DLG2: variants seen among roughly 807,000 people sequenced by gnomAD.
DLG2 encodes the protein disks large homolog 2.
A neutral mutation model predicts 132.5 loss-of-function variants in DLG2; 45 were observed. The observed-to-expected ratio is 0.34, with a 90% CI of 0.27 to 0.44. The LOEUF (loss-of-function observed/expected upper bound fraction) is 0.44, where lower values mean the gene tolerates loss of function less well. DLG2 is among the 20% of genes least tolerant of loss of function. The pLI is 1.00. For synonymous variants in DLG2, 424 were observed against 419.6 expected (o/e 1.01, Z -0.13); for missense variants, 1,045 against 1,196.9 (o/e 0.87, Z 1.87).
At chr11:84,074,233 C>A (rs906398784) in intron 10 of DLG2, among the ~76,000 whole-genome samples, 14 of 152,174 alleles carry the variant, frequency 9.2e-5, no homozygotes, top group Admixed American at 3.9e-4. Flanking sequence ...CAGCTCAACT[C>A]CTCACAAAAG....
chr11:85,038,893 C>T (rs1455540580), intron 6 of DLG2, among the ~76,000 whole-genome samples: 1 of 151,904 alleles, frequency 6.6e-6, no homozygotes, highest in African/African-American at 2.4e-5. Flanking sequence ...TCCAATGATA[C>T]AATTTTTAAA....
At position 85,350,234 on chromosome 11, in the gene DLG2, C is replaced by A. The variant is rs537153838; in HGVS notation, c.41-64869G>T. 5.3e-5 allele frequency among the ~76,000 whole-genome samples: 8 copies of A among 152,282 alleles called. No homozygotes were observed. In the South Asian group the frequency reaches 1.4e-3, roughly 28 times the overall value. Reference sequence around the variant, plus strand: ...TCTTTTGAGAAGTGTCTGTTCATATCCTTTGCCCACTTTTTGATGCAGTTG... The same window carrying A: ...TCTTTTGAGAAGTGTCTGTTCATATACTTTGCCCACTTTTTGATGCAGTTG... On this transcript the variant is annotated intron_variant, in intron 3 of 27. Transcript: ENST00000376104.
At chr11:84,263,653 GA>G (rs574271362) in intron 7 of DLG2, among the ~76,000 whole-genome samples, 3 of 151,708 alleles carry the variant, frequency 2.0e-5, no homozygotes, top group African/African-American at 4.8e-5. Flanking sequence ...TATAACTCCA[GA>G]AAAAAAATCC....
chr11:84,529,662 A>G (rs2099330526), intron 7 of DLG2, among the ~76,000 whole-genome samples: 1 of 152,248 alleles, frequency 6.6e-6, no homozygotes, highest in Non-Finnish European at 1.5e-5. Flanking sequence ...AACAAATTGA[A>G]AACATTCTGT....
intron 7 of DLG2, among the ~76,000 whole-genome samples, chr11:84,368,568 T>C (rs960504923): frequency 6.6e-6 from 1 of 152,244 alleles, no homozygotes; most frequent in African/African-American, 2.4e-5. Context: ...TATTTGGTGT[T>C]AACATGTGGT....
chr11:83,663,907 T>G (rs548057998), intron 18 of DLG2, among the ~76,000 whole-genome samples: 1 of 152,328 alleles, frequency 6.6e-6, no homozygotes, highest in South Asian at 2.1e-4. Context: ...AAACTATTAA[T>G]CTGCCTTCAT....
chr11:83,466,922 T>A (rs2091141038), intron 25 of DLG2, 105 bp from the exon 26 acceptor site: 17 of 721,080 alleles, frequency 2.4e-5, no homozygotes, highest in Non-Finnish European at 2.6e-5. Flanking sequence ...TAGGGGATGC[T>A]GGATTTCTAA....
intron 19 of DLG2, among the ~76,000 whole-genome samples, chr11:83,616,837 G>T (rs2060893443): frequency 1.3e-5 from 2 of 151,942 alleles, no homozygotes; most frequent in African/African-American, 4.8e-5. Flanking sequence ...TGTGAGGTTG[G>T]GTCAAGAGCC....
intron 7 of DLG2, among the ~76,000 whole-genome samples, chr11:84,269,981 C>T (rs1172555419): frequency 6.6e-6 from 1 of 152,140 alleles, no homozygotes; most frequent in Non-Finnish European, 1.5e-5. Flanking sequence ...GTGTCTGACA[C>T]ATAGTAGGGG....
chr11:85,220,900 C>T (rs901060859), intron 4 of DLG2, among the ~76,000 whole-genome samples: 1 of 152,128 alleles, frequency 6.6e-6, no homozygotes, highest in African/African-American at 2.4e-5. Context: ...AAATAACTAT[C>T]AAACTATTTT....
chr11:83,637,338 A>C (rs2065113313), intron 18 of DLG2, among the ~76,000 whole-genome samples: 1 of 152,172 alleles, frequency 6.6e-6, no homozygotes. Flanking sequence ...ATTTGAATGA[A>C]ATTTTCAAAT....
chr11:84,549,938 T>C (rs1045639002), intron 6 of DLG2, among the ~76,000 whole-genome samples: 1 of 151,974 alleles, frequency 6.6e-6, no homozygotes, highest in Non-Finnish European at 1.5e-5. Flanking sequence ...TATTTTTAAG[T>C]AGAGACAGTG....
At chr11:84,581,910 A>G (rs10898269) in intron 6 of DLG2, among the ~76,000 whole-genome samples, 3 of 145,566 alleles carry the variant, frequency 2.1e-5, no homozygotes, top group Non-Finnish European at 4.5e-5. Context: ...GGTCTCAAAA[A>G]CCAAAAAAAA....
intron 4 of DLG2, among the ~76,000 whole-genome samples, chr11:85,183,268 G>T (rs1489231759): frequency 6.6e-6 from 1 of 151,754 alleles, no homozygotes; most frequent in Non-Finnish European, 1.5e-5. Flanking sequence ...GGCAACTTTA[G>T]CTAAGGCTCT....
At chr11:85,519,646 T>C (rs2074117777) in intron 3 of DLG2, among the ~76,000 whole-genome samples, 2 of 152,138 alleles carry the variant, frequency 1.3e-5, no homozygotes, top group Non-Finnish European at 2.9e-5. Flanking sequence ...TGGGGAACTG[T>C]TGGGAAGGCA....
chr11:85,202,949 A>C (rs2081576071), intron 4 of DLG2, among the ~76,000 whole-genome samples: 1 of 151,480 alleles, frequency 6.6e-6, no homozygotes, highest in African/African-American at 2.4e-5. Flanking sequence ...AAAATCTAAA[A>C]ACTTCAAATA....
chr11:85,499,258 G>A (rs997088706), intron 3 of DLG2, among the ~76,000 whole-genome samples: 1 of 152,018 alleles, frequency 6.6e-6, no homozygotes, highest in African/African-American at 2.4e-5. Flanking sequence ...AAATGATAAA[G>A]GGGATATCAC....
At chr11:84,972,950 G>GT (rs199563898) in intron 6 of DLG2, among the ~76,000 whole-genome samples, 2,324 of 140,696 alleles carry the variant, frequency 0.017, 49 homozygotes, top group African/African-American at 0.047. Context: ...AGTTTTTTGG[G>GT]TTTTTTTTTT....
chr11:83,826,711 C>T (rs1302135290), intron 17 of DLG2, among the ~76,000 whole-genome samples: 1 of 152,150 alleles, frequency 6.6e-6, no homozygotes, highest in African/African-American at 2.4e-5. Flanking sequence ...CTGGCTGATA[C>T]AGTACCTTGA....
Sources: allele counts gnomAD v4.1 joint callset (sites outside exome capture counted in the v4.1 genomes callset), GRCh38; gene constraint gnomAD v4.1.1; transcripts MANE v1.5; gene names NCBI Gene and HGNC (gene_info 2026-07-23, HGNC 2026-07-21).